KCNIP4: variants seen among roughly 807,000 people sequenced by gnomAD.
KCNIP4 encodes Kv channel-interacting protein 4.
A neutral mutation model predicts 34.0 loss-of-function variants in KCNIP4; 12 were observed. The observed-to-expected ratio is 0.35, with a 90% CI of 0.23 to 0.57. KCNIP4 has a LOEUF of 0.57. KCNIP4 is among the 20% of genes least tolerant of loss of function. KCNIP4 has a pLI of 0.83. For missense variants in KCNIP4, 238 were observed against 311.7 expected (o/e 0.76, Z 1.78); for synonymous variants, 124 against 102.2 (o/e 1.21, Z -1.29).
intron 1 of KCNIP4, among the ~76,000 whole-genome samples, chr4:21,710,459 C>T (rs972595291): frequency 2.0e-5 from 3 of 152,220 alleles, no homozygotes; most frequent in African/African-American, 7.2e-5. Flanking sequence ...GTGGTACTAA[C>T]TGCGTACTGT....
intron 1 of KCNIP4, among the ~76,000 whole-genome samples, chr4:21,399,586 A>C (rs1723297125): frequency 6.7e-6 from 1 of 149,726 alleles, no homozygotes; most frequent in African/African-American, 2.6e-5. Context: ...AAGTCACTCA[A>C]GTACTAACTG....
intron 1 of KCNIP4, among the ~76,000 whole-genome samples, chr4:21,722,161 C>T (rs1464135909): frequency 6.6e-6 from 1 of 152,080 alleles, no homozygotes; most frequent in African/African-American, 2.4e-5. Flanking sequence ...TTATGGAAAG[C>T]CATTCATTTA....
intron 1 of KCNIP4, among the ~76,000 whole-genome samples, chr4:21,863,160 T>C (rs1315686070): frequency 2.6e-5 from 4 of 152,170 alleles, no homozygotes; most frequent in Non-Finnish European, 5.9e-5. Flanking sequence ...GAAGTCGTTA[T>C]TCTTCATCAA....
chr4:20,958,491 A>C (rs913945412), intron 1 of KCNIP4, among the ~76,000 whole-genome samples: 3 of 152,096 alleles, frequency 2.0e-5, no homozygotes, highest in Non-Finnish European at 4.4e-5. Flanking sequence ...TTTTTTCCCT[A>C]TTTCTTTATA....
At chr4:21,425,243 CT>C (rs890771156) in intron 1 of KCNIP4, among the ~76,000 whole-genome samples, 2 of 152,152 alleles carry the variant, frequency 1.3e-5, no homozygotes, top group African/African-American at 2.4e-5. Flanking sequence ...CCTAACTTAA[CT>C]TTAAAATCAA....
At chr4:21,676,128 G>A (rs1374605610) in intron 1 of KCNIP4, among the ~76,000 whole-genome samples, 2 of 152,138 alleles carry the variant, frequency 1.3e-5, no homozygotes, top group Non-Finnish European at 2.9e-5. Context: ...GCGTCACTGT[G>A]TCCCTTTCTA....
chr4:21,332,054 A>T (rs528917717), intron 1 of KCNIP4, among the ~76,000 whole-genome samples: 1 of 152,040 alleles, frequency 6.6e-6, no homozygotes, highest in Non-Finnish European at 1.5e-5. Context: ...CATTATTCAT[A>T]ATCAATCCCA....
intron 1 of KCNIP4, among the ~76,000 whole-genome samples, chr4:20,964,692 C>A (rs1348587671): frequency 6.6e-6 from 1 of 152,108 alleles, no homozygotes; most frequent in African/African-American, 2.4e-5. Flanking sequence ...TGAATGTTGA[C>A]TATATTTAAC....
chr4:20,732,755 C>T lies in KCNIP4; in HGVS notation c.568G>A (p.Asp190Asn), dbSNP rs752727409. 1.6e-5 allele frequency: 25 copies of T among 1,611,112 alleles called. No individual in the cohort carries two copies. Among genetic ancestry groups the T allele is most frequent in the African/African-American group, 4.0e-5 (3 of 74,814 alleles). ...GGATATGTACATTTACCCATCATAT[C>T]GTATATTGCTTTCATTATATCAAGC... ...EMLDIMKAIY[D>N]MMGKCTYPVL... Residue 190 changes from aspartate (D) to asparagine (N), a missense_variant, in exon 7 of 9, where the codon GAT becomes AAT. Physicochemically the swap from Asp to Asn is conservative, Grantham distance 23. Transcript: ENST00000382152.
intron 1 of KCNIP4, among the ~76,000 whole-genome samples, chr4:21,884,360 G>GGAGA (rs1726638408): frequency 6.6e-6 from 1 of 152,022 alleles, no homozygotes; most frequent in Non-Finnish European, 1.5e-5. Flanking sequence ...CTCAGGAGGA[G>GGAGA]CACTTCCAGA....
intron 3 of KCNIP4, among the ~76,000 whole-genome samples, chr4:20,773,264 T>C (rs1164471021): frequency 2.6e-5 from 4 of 152,064 alleles, no homozygotes; most frequent in African/African-American, 9.7e-5. Context: ...ATTGTTGCAA[T>C]TGTTGCAAAT....
At chr4:21,948,271 G>C (rs1298820715) in intron 1 of KCNIP4, among the ~76,000 whole-genome samples, 1 of 152,180 alleles carries the variant, frequency 6.6e-6, no homozygotes, top group African/African-American at 2.4e-5. Context: ...AAACAACCTC[G>C]GAAATTTTCA....
At chr4:21,790,374 C>A (rs1028629428) in intron 1 of KCNIP4, among the ~76,000 whole-genome samples, 6 of 152,166 alleles carry the variant, frequency 3.9e-5, no homozygotes, top group Non-Finnish European at 1.5e-5. Flanking sequence ...ACTCTACACA[C>A]ACTCATTGTA....
At chr4:21,565,310 C>A (rs1204478799) in intron 1 of KCNIP4, among the ~76,000 whole-genome samples, 2 of 152,066 alleles carry the variant, frequency 1.3e-5, no homozygotes, top group Non-Finnish European at 2.9e-5. Flanking sequence ...TCTCTGGTCT[C>A]CCTTCTTTTA....
chr4:20,826,059 G>A (rs1237481546), intron 3 of KCNIP4, among the ~76,000 whole-genome samples: 1 of 151,892 alleles, frequency 6.6e-6, no homozygotes, highest in Non-Finnish European at 1.5e-5. Flanking sequence ...AGGGGTAGAA[G>A]CCATATTGAA....
intron 1 of KCNIP4, among the ~76,000 whole-genome samples, chr4:21,530,694 C>T (rs1736602242): frequency 2.0e-5 from 3 of 152,124 alleles, no homozygotes; most frequent in Admixed American, 2.0e-4. Flanking sequence ...TTATCAAAAG[C>T]TTCCAAGTAC....
At chr4:21,188,675 T>TATG (rs1317870338) in intron 1 of KCNIP4, among the ~76,000 whole-genome samples, 1 of 152,222 alleles carries the variant, frequency 6.6e-6, no homozygotes, top group African/African-American at 2.4e-5. Flanking sequence ...TTTTTCCATA[T>TATG]ATGTATCTGG....
At chr4:21,136,694 C>A (rs960102969) in intron 1 of KCNIP4, among the ~76,000 whole-genome samples, 3 of 152,116 alleles carry the variant, frequency 2.0e-5, no homozygotes, top group Non-Finnish European at 4.4e-5. Flanking sequence ...CCAGTCCAAG[C>A]AAACTCATCA....
chr4:21,497,385 AT>A (rs1338355024), intron 1 of KCNIP4, among the ~76,000 whole-genome samples: 1 of 151,980 alleles, frequency 6.6e-6, no homozygotes, highest in Non-Finnish European at 1.5e-5. Context: ...GTAACTCATG[AT>A]TTTTCAAATG....
Sources: gnomAD v4.1 joint callset for allele counts (sites outside exome capture counted in the v4.1 genomes callset) on GRCh38, gnomAD v4.1.1 for gene constraint, MANE v1.5 for transcripts, NCBI Gene and HGNC (gene_info 2026-07-23, HGNC 2026-07-21) for gene names.